Variants in PRMT8 observed in about 807,000 individuals in gnomAD.
PRMT8 encodes the protein protein arginine N-methyltransferase 8.
PRMT8 carries 7 observed loss-of-function variants against 47.1 expected under a neutral mutation model. The observed-to-expected ratio is 0.15, with a 90% CI of 0.08 to 0.28. The LOEUF is 0.28. Among genes scored for constraint, PRMT8 ranks in the 10% least tolerant of loss-of-function variants. PRMT8 has a pLI of 1.00. For synonymous variants in PRMT8, 188 were observed against 186.5 expected (o/e 1.01, Z -0.07); for missense variants, 237 against 505.4 (o/e 0.47, Z 5.09).
chr12:3,520,286 C>T (rs1261843758), intron 1 of PRMT8, among the ~76,000 whole-genome samples: 1 of 152,240 alleles, frequency 6.6e-6, no homozygotes, highest in East Asian at 1.9e-4. Context: ...GAGAGTGAAG[C>T]CAGGGATGCC....
chr12:3,559,292 T>C (rs1272187574), intron 4 of PRMT8, among the ~76,000 whole-genome samples: 2 of 152,190 alleles, frequency 1.3e-5, no homozygotes, highest in Non-Finnish European at 2.9e-5. Context: ...AGGCTTGTCT[T>C]GTGCCTCCAT....
chr12:3,573,348 A>G (rs1196527193), intron 6 of PRMT8, among the ~76,000 whole-genome samples: 1 of 152,132 alleles, frequency 6.6e-6, no homozygotes, highest in African/African-American at 2.4e-5. Flanking sequence ...AAAAGTTTCC[A>G]TCTCGCTAAT....
At chr12:3,523,406 G>A (rs939998698) in intron 1 of PRMT8, among the ~76,000 whole-genome samples, 1 of 152,108 alleles carries the variant, frequency 6.6e-6, no homozygotes, top group Non-Finnish European at 1.5e-5. Context: ...CTCAGGAAGG[G>A]ATCCTGTAGG....
At chr12:3,419,965 G>A (rs1170027056) in intron 1 of PRMT8, among the ~76,000 whole-genome samples, 8 of 127,852 alleles carry the variant, frequency 6.3e-5, no homozygotes, top group African/African-American at 2.3e-4. Context: ...TTGAGGGGGA[G>A]AAAGAGGGAG....
intron 1 of PRMT8, among the ~76,000 whole-genome samples, chr12:3,469,560 G>C (rs945765051): frequency 1.6e-4 from 24 of 152,276 alleles, no homozygotes; most frequent in African/African-American, 5.8e-4. Context: ...GGTTGCCGGG[G>C]GTTAGGGGAA....
rs1866541369 is a variant in PRMT8, at chr12:3,557,131, C to G, written c.481+3417C>G. 6.6e-6 allele frequency among the ~76,000 whole-genome samples: 1 copy of G among 151,974 alleles called. No individual in the cohort carries two copies. Among genetic ancestry groups the G allele is most frequent in the African/African-American group, 2.4e-5 (1 of 41,356 alleles). The stretch of plus-strand genomic sequence containing the variant: ...GGAAGGAGGGAGGGCAGCAGATAGG[C>G]TGGGGGAGTGAGGATTGCTGCGATG... On this transcript the variant is annotated intron_variant, in intron 4 of 9. Transcript: ENST00000382622. This position sits in a 1 kb window ranked among gnomAD's most constrained non-coding sequence, Gnocchi z 4.7.
chr12:3,486,770 G>C (rs1865327293), upstream of PRMT8, among the ~76,000 whole-genome samples: 1 of 152,188 alleles, frequency 6.6e-6, no homozygotes, highest in South Asian at 2.1e-4. Flanking sequence ...AAATGCAGAA[G>C]TATTATACTA....
intron 6 of PRMT8, among the ~76,000 whole-genome samples, chr12:3,575,369 T>C (rs917184104): frequency 2.8e-4 from 43 of 152,224 alleles, no homozygotes; most frequent in African/African-American, 1.0e-3. Flanking sequence ...GAGAAAAGCA[T>C]TTCTACTTCA....
At chr12:3,400,001 C>T (rs1007696258) in intron 1 of PRMT8, among the ~76,000 whole-genome samples, 1 of 151,908 alleles carries the variant, frequency 6.6e-6, no homozygotes, top group Non-Finnish European at 1.5e-5. Context: ...TAACTTTTGA[C>T]CTAAGAATCC....
chr12:3,490,553 G>T (rs942817241), upstream of PRMT8, among the ~76,000 whole-genome samples: 1 of 150,256 alleles, frequency 6.7e-6, no homozygotes, highest in East Asian at 2.0e-4. Context: ...GAGTGGGGGG[G>T]GGGGCACTGC....
intron 1 of PRMT8, among the ~76,000 whole-genome samples, chr12:3,465,853 C>T (rs1470678737): frequency 6.6e-6 from 1 of 152,190 alleles, no homozygotes; most frequent in Non-Finnish European, 1.5e-5. Context: ...ACTCTGCACA[C>T]ATACGCAGGA....
rs11062646 is a variant in PRMT8, at chr12:3,436,020, G to T, written c.48+54578G>T. 0.037 allele frequency among the ~76,000 whole-genome samples: 5,596 copies of T among 152,232 alleles called. 157 individuals carry two copies. Among genetic ancestry groups the T allele is most frequent in the African/African-American group, 0.069 (2,854 of 41,532 alleles). ...CTCCTCAGGAGGGGTGATTTTAGCG[G>T]GCAAGGGGAGATGGTATGTGTTCAG... On this transcript the variant is annotated intron_variant, in intron 1 of 9. Coordinates refer to the PRMT8 transcript ENST00000452611. This position sits in a 1 kb window ranked among gnomAD's most constrained non-coding sequence, Gnocchi z 4.2.
intron 1 of PRMT8, among the ~76,000 whole-genome samples, chr12:3,525,453 G>T (rs1438075319): frequency 3.3e-5 from 5 of 152,140 alleles, no homozygotes; most frequent in African/African-American, 1.2e-4. Context: ...ATTGCATTCT[G>T]AATCTTCCTA....
At chr12:3,454,020 G>C (rs538886273) in intron 1 of PRMT8, among the ~76,000 whole-genome samples, 1 of 152,288 alleles carries the variant, frequency 6.6e-6, no homozygotes, top group African/African-American at 2.4e-5. Flanking sequence ...GGAAGGCCAG[G>C]CACAGCAATG....
At chr12:3,442,592 C>A (rs116410882) in intron 1 of PRMT8, among the ~76,000 whole-genome samples, 1,665 of 152,264 alleles carry the variant, frequency 0.011, 38 homozygotes, top group African/African-American at 0.039. Context: ...TGGCCTGGAA[C>A]GGGTATGAGG....
Position 3,514,969 on chromosome 12 carries a change from C to T in PRMT8, c.75+23269C>T, listed in dbSNP as rs1018690165. On this transcript the variant is annotated intron_variant, in intron 1 of 9. Coordinates refer to ENST00000382622, the MANE Select transcript of PRMT8 (RefSeq NM_019854.5). The surrounding 1 kb of genome is among the most constrained non-coding windows in gnomAD (Gnocchi z 5.9). ...TGTTGACAAACAGAAATTATGGATG[C>T]CATTCATCCAGCACTTGCTATGTGC... 2.6e-5 allele frequency among the ~76,000 whole-genome samples: 4 copies of T among 152,202 alleles called. No homozygotes were observed. The highest frequency in any genetic ancestry group is 4.4e-5 in the Non-Finnish European group (3 of 68,032).
chr12:3,450,428 C>G (rs1864903820), intron 1 of PRMT8, among the ~76,000 whole-genome samples: 1 of 152,170 alleles, frequency 6.6e-6, no homozygotes, highest in South Asian at 2.1e-4. Context: ...AGAAATGTTT[C>G]TAAGTACTGA....
Position 3,540,613 on chromosome 12 carries a change from G to GGCCCCCCGGCC in PRMT8, c.83_84insGCCCCCCGGCC (p.Ser28ArgfsTer42). ...CCCTTCTCTTCCCCTCAGGTGAACA[G>GGCCCCCCGGCC]CCCCCCCTCCCAGCCCCCCCAGCCC... is the stretch of plus-strand genomic sequence containing the variant. On this transcript the variant is annotated frameshift_variant, in exon 2 of 10. Transcript: ENST00000382622. LOFTEE classifies it high-confidence loss of function. 2 of 1,130,522 alleles carry GGCCCCCCGGCC rather than the reference G, an allele frequency of 1.8e-6. No individual in the cohort carries two copies. Among genetic ancestry groups the GGCCCCCCGGCC allele is most frequent in the Non-Finnish European group, 2.7e-6 (2 of 752,492 alleles). The allele number at this position is 1,130,522 out of a possible 1,614,324, so 70.0% of individuals were successfully genotyped here.
intron 4 of PRMT8, among the ~76,000 whole-genome samples, chr12:3,567,646 A>G (rs1373151912): frequency 6.6e-6 from 1 of 152,118 alleles, no homozygotes; most frequent in African/African-American, 2.4e-5. Context: ...ATAACAGTTG[A>G]CCCCGACTAC....
Sources: allele counts gnomAD v4.1 joint callset (sites outside exome capture counted in the v4.1 genomes callset), GRCh38; gene constraint gnomAD v4.1.1; non-coding constraint Gnocchi (gnomAD v3.1); transcripts MANE v1.5; gene names NCBI Gene and HGNC (gene_info 2026-07-23, HGNC 2026-07-21).